Variants in DOCK9 observed in about 807,000 individuals in gnomAD.
The protein encoded by DOCK9 is dedicator of cytokinesis 9, also known as dedicator of cytokinesis protein 9.
In DOCK9, 89 loss-of-function variants were observed where a neutral mutation model predicts 263.3. The ratio of observed to expected loss-of-function variants is 0.34; its 90% CI spans 0.28 to 0.40. DOCK9 has a LOEUF of 0.40. Ranked by LOEUF, DOCK9 falls within the 10% of genes least tolerant of loss-of-function variation. DOCK9 has a pLI of 1.00. For synonymous variants in DOCK9, 976 were observed against 973.1 expected (o/e 1.00, Z -0.06); for missense variants, 2,140 against 2,603.4 (o/e 0.82, Z 3.87).
At chr13:98,835,516 C>A (rs2092957911) in intron 39 of DOCK9, among the ~76,000 whole-genome samples, 1 of 152,116 alleles carries the variant, frequency 6.6e-6, no homozygotes, top group Non-Finnish European at 1.5e-5. Context: ...GGCATATAAA[C>A]CTGCACAGAG....
At chr13:98,965,763 A>G (rs1466827525) in intron 1 of DOCK9, among the ~76,000 whole-genome samples, 1 of 152,232 alleles carries the variant, frequency 6.6e-6, no homozygotes, top group Non-Finnish European at 1.5e-5. Flanking sequence ...GCTTTGGAGA[A>G]TATTTGGAAG....
chr13:98,883,247 T>G (rs1283539165), intron 22 of DOCK9, 116 bp from the exon 23 acceptor site: 2 of 958,978 alleles, frequency 2.1e-6, no homozygotes, highest in African/African-American at 3.3e-5. Context: ...TTGTTGTTGT[T>G]GTTGTTGCTG....
intron 1 of DOCK9, among the ~76,000 whole-genome samples, chr13:98,998,638 T>C (rs1881599094): frequency 6.6e-6 from 1 of 152,070 alleles, no homozygotes; most frequent in Non-Finnish European, 1.5e-5. Context: ...TTCCAATCCA[T>C]CACCCACCCA....
chr13:98,991,348 G>T lies in DOCK9; in HGVS notation c.130-35797C>A, dbSNP rs541383005. Among the ~76,000 whole-genome samples the T allele has an allele frequency of 3.3e-5, 5 of 152,218 alleles. No homozygotes were observed. In the South Asian group the frequency reaches 8.3e-4, roughly 25 times the overall value. The stretch of plus-strand genomic sequence containing the variant: ...GCCTCCCAAAGTGCTGGGATTACAG[G>T]CGCGAGCCACCGCACTCGGCCGCAA... On this transcript the variant is annotated intron_variant, in intron 1 of 32. Transcript: ENST00000427887.
rs191407389 is a variant in DOCK9 at position 98,806,243 on chromosome 13, C to G, written c.5515-1034G>C. Among the ~76,000 whole-genome samples, 115 of 152,326 alleles carry G rather than the reference C, an allele frequency of 7.5e-4. 2 individuals are homozygous for G. Among genetic ancestry groups the G allele is most frequent in the African/African-American group, 2.7e-3 (112 of 41,574 alleles). ...CAGGTACAGATTAATCTAGACTAATCTAATGATAAATTTAGTTTCTATTTA... is the reference window on the plus strand; with the variant it reads ...CAGGTACAGATTAATCTAGACTAATGTAATGATAAATTTAGTTTCTATTTA... On this transcript the variant is annotated intron_variant, in intron 48 of 52. Transcript: ENST00000682017.
intron 1 of DOCK9, among the ~76,000 whole-genome samples, chr13:98,995,252 A>G (rs557476258): frequency 3.9e-5 from 6 of 152,304 alleles, no homozygotes; most frequent in African/African-American, 1.4e-4. Flanking sequence ...TGTGAAGTAA[A>G]AACATTACAG....
intron 1 of DOCK9, among the ~76,000 whole-genome samples, chr13:99,017,114 C>CA (rs781766949): frequency 1.2e-4 from 18 of 152,192 alleles, no homozygotes; most frequent in Non-Finnish European, 2.2e-4. Context: ...TGGCCACATG[C>CA]AAAAAACAGG....
chr13:98,826,467 A>G (rs2092543106), intron 44 of DOCK9, among the ~76,000 whole-genome samples: 1 of 152,230 alleles, frequency 6.6e-6, no homozygotes, highest in Admixed American at 6.5e-5. Context: ...ATGCTGTCTG[A>G]TAATCTCCCG....
intron 7 of DOCK9, among the ~76,000 whole-genome samples, chr13:98,918,492 T>A (rs1044973769): frequency 6.6e-6 from 1 of 151,904 alleles, no homozygotes; most frequent in South Asian, 2.1e-4. Context: ...TACCAAAGCA[T>A]AAAATAAAAA....
chr13:98,810,328 G>A lies in DOCK9; in HGVS notation c.5131-37C>T, dbSNP rs369444308. On this transcript the variant is annotated intron_variant, in intron 45 of 52. Coordinates refer to ENST00000682017, the MANE Select transcript of DOCK9 (RefSeq NM_001366683.2). ...GGAGGGCCAACAGCAAGAGAAGAGCGTTATGGGGAACGTGACATGGCACCC... is the reference window on the plus strand; with the variant it reads ...GGAGGGCCAACAGCAAGAGAAGAGCATTATGGGGAACGTGACATGGCACCC... 1.8e-5 allele frequency: 29 copies of A among 1,608,362 alleles called. No individual in the cohort carries two copies. The African/African-American group carries it at 1.9e-4, about 10-fold the overall frequency.
chr13:99,059,918 G>A (rs1175701878), intron 1 of DOCK9, among the ~76,000 whole-genome samples: 2 of 152,042 alleles, frequency 1.3e-5, no homozygotes, highest in African/African-American at 2.4e-5. Context: ...GGCCTTTTAC[G>A]TCTGGCTTCT....
At chr13:98,919,594 T>G (rs1305094219) in intron 7 of DOCK9, among the ~76,000 whole-genome samples, 1 of 152,180 alleles carries the variant, frequency 6.6e-6, no homozygotes, top group Non-Finnish European at 1.5e-5. Context: ...AAGGGAGAAT[T>G]CTTTGATAAT....
upstream of DOCK9, among the ~76,000 whole-genome samples, chr13:98,982,590 T>C (rs897377049): frequency 1.3e-5 from 2 of 152,230 alleles, no homozygotes; most frequent in Admixed American, 6.5e-5. Context: ...CACCTTTGAG[T>C]GGCCTTAGGG....
chr13:98,963,560 A>C (rs1014848690), intron 1 of DOCK9, among the ~76,000 whole-genome samples: 9 of 152,222 alleles, frequency 5.9e-5, no homozygotes, highest in African/African-American at 2.2e-4. Context: ...CTGGTGATTA[A>C]ATGTTAAGAA....
intron 5 of DOCK9, among the ~76,000 whole-genome samples, chr13:98,922,624 T>G (rs1048797173): frequency 2.6e-5 from 4 of 152,170 alleles, no homozygotes; most frequent in African/African-American, 9.7e-5. Context: ...AAAGGAGAGA[T>G]AAAGTGATGG....
Position 98,972,627 on chromosome 13 carries a change from A to G in DOCK9, c.126+5157T>C, listed in dbSNP as rs371007047. Among the ~76,000 whole-genome samples the G allele has an allele frequency of 1.7e-3, 252 of 152,324 alleles. 11 individuals are homozygous for G. The South Asian group carries it at 0.049, about 30-fold the overall frequency. On this transcript the variant is annotated intron_variant, in intron 1 of 52. Coordinates refer to ENST00000682017, the MANE Select transcript of DOCK9 (RefSeq NM_001366683.2). The stretch of plus-strand genomic sequence containing the variant: ...ATAGGTGTGCAGCAGCAGGAGCCTC[A>G]TGTAACACTGATCACATGAACAGTT...
intron 46 of DOCK9, 50 bp downstream of exon 46, chr13:98,810,119 C>T (rs779881622): frequency 6.8e-6 from 11 of 1,610,444 alleles, no homozygotes; most frequent in Non-Finnish European, 9.3e-6. Flanking sequence ...GGGTATATGT[C>T]ACAGCGTCAT....
chr13:98,897,751 GA>G (rs1333320368), intron 14 of DOCK9, 141 bp from the exon 15 acceptor site: 15 of 1,228,908 alleles, frequency 1.2e-5, no homozygotes, highest in Non-Finnish European at 1.7e-5. Context: ...TAAAAACATG[GA>G]AAACATCTAT....
At position 98,921,029 on chromosome 13, in the gene DOCK9, A is replaced by G; in HGVS notation, c.642T>C (p.Asn214=). 3 of 1,602,332 alleles carry G rather than the reference A, an allele frequency of 1.9e-6. No homozygotes were observed. The highest frequency in any genetic ancestry group is 2.6e-6 in the Non-Finnish European group (3 of 1,173,684). The change falls in exon 7 of 53, where the codon AAT becomes AAC. Residue 214 remains asparagine, a synonymous_variant. Coordinates refer to ENST00000682017, the MANE Select transcript of DOCK9 (RefSeq NM_001366683.2). ...TGGAGATCTTTTCATCTTTATAAAA[A>G]TTCAAATTATAGGATCCATCGCCAA... The part of the protein sequence containing the change: ...IQLGDGSYNL[N]FYKDEKISKE...
Sources: gnomAD v4.1 joint callset for allele counts (sites outside exome capture counted in the v4.1 genomes callset) on GRCh38, gnomAD v4.1.1 for gene constraint, MANE v1.5 for transcripts, NCBI Gene and HGNC (gene_info 2026-07-23, HGNC 2026-07-21) for gene names.